FOXJ3: variants seen among roughly 807,000 people sequenced by gnomAD.
The protein encoded by FOXJ3 is forkhead box J3.
A neutral mutation model predicts 76.1 loss-of-function variants in FOXJ3; 22 were observed. The ratio of observed to expected loss-of-function variants is 0.29; its 90% CI spans 0.21 to 0.41. The LOEUF is 0.41. Among genes scored for constraint, FOXJ3 ranks in the 10% least tolerant of loss-of-function variants. The probability of loss-of-function intolerance (pLI) is 1.00; values close to 1 mark genes in which losing one functional copy is unlikely to be tolerated. For synonymous variants in FOXJ3, 269 were observed against 261.2 expected, an observed-to-expected ratio of 1.03 and a Z score of -0.29; for missense variants, 613 against 762.1, an observed-to-expected ratio of 0.80 and a Z score of 2.30.
chr1:42,318,444 C>T (rs1410044917), intron 1 of FOXJ3, among the ~76,000 whole-genome samples: 3 of 152,154 alleles, frequency 2.0e-5, no homozygotes, highest in Non-Finnish European at 2.9e-5. Flanking sequence ...CAGGTTCAAG[C>T]GATTCTCCTG....
rs1002171577 is a variant in FOXJ3 at position 42,205,927 on chromosome 1, G to A, written c.529-64C>T. On this transcript the variant is annotated intron_variant, in intron 5 of 12. Transcript: ENST00000361346. ...ATATCCAGCAACTTTAACACAGTTT[G>A]AAGGGATCTCATCAAATTCTTGAAC... is the stretch of plus-strand genomic sequence containing the variant. 5.6e-6 allele frequency: 5 copies of A among 885,674 alleles called. No homozygotes were observed. In the Admixed American group the frequency reaches 9.1e-5, roughly 16 times the overall value. The allele number at this position is 885,674 out of a possible 1,614,324, so 54.9% of individuals were successfully genotyped here. A position where few individuals can be genotyped will look rare whatever the true frequency, so the allele number is the denominator to read the frequency against.
chr1:42,298,763 T>A (rs914291363), intron 2 of FOXJ3, among the ~76,000 whole-genome samples: 3 of 152,226 alleles, frequency 2.0e-5, no homozygotes, highest in Admixed American at 6.5e-5. Flanking sequence ...TCCTATCTTT[T>A]TAATGTGGGC....
chr1:42,183,308 TGGGGGAGGGGAGGGGAGGGGAGGGG>T (rs1169208221), intron 11 of FOXJ3, among the ~76,000 whole-genome samples: 3 of 3,832 alleles, frequency 7.8e-4, no homozygotes, highest in African/African-American at 9.8e-4. Flanking sequence ...CGGGGCGGGG[TGGGGGAGGGGAGGGGAGGGGAGGGG>T]AGGGGAGGGG....
intron 2 of FOXJ3, among the ~76,000 whole-genome samples, chr1:42,308,671 A>C (rs1654614484): frequency 6.6e-6 from 1 of 152,226 alleles, no homozygotes; most frequent in Non-Finnish European, 1.5e-5. Context: ...TTCTCAGTTT[A>C]TAAATTAAAG....
intron 4 of FOXJ3, among the ~76,000 whole-genome samples, chr1:42,254,052 A>G (rs1193944344): frequency 6.6e-5 from 10 of 151,774 alleles, no homozygotes; most frequent in African/African-American, 2.2e-4. Flanking sequence ...GAAAATTTTC[A>G]CAACCTACTC....
intron 1 of FOXJ3, among the ~76,000 whole-genome samples, chr1:42,331,107 G>A (rs1328828733): frequency 2.6e-5 from 4 of 152,274 alleles, no homozygotes; most frequent in Middle Eastern, 3.4e-3. Context: ...TTGACCAGGC[G>A]CGGTGGCTTA....
intron 2 of FOXJ3, among the ~76,000 whole-genome samples, chr1:42,292,021 G>A (rs1234602838): frequency 6.6e-6 from 1 of 151,984 alleles, no homozygotes; most frequent in African/African-American, 2.4e-5. Flanking sequence ...TGGGAGCCAG[G>A]GGATGGGACC....
chr1:42,185,752 T>G (rs1278392990), intron 11 of FOXJ3, among the ~76,000 whole-genome samples: 1 of 152,048 alleles, frequency 6.6e-6, no homozygotes, highest in Non-Finnish European at 1.5e-5. Flanking sequence ...ATAAACAAAT[T>G]ATAACCACAG....
chr1:42,186,196 G>A (rs138385045), intron 11 of FOXJ3, among the ~76,000 whole-genome samples: 7 of 152,232 alleles, frequency 4.6e-5, no homozygotes, highest in Non-Finnish European at 8.8e-5. Context: ...AGGAATGACA[G>A]AAAGACACTG....
At chr1:42,217,626 C>T (rs1647097991) in intron 5 of FOXJ3, among the ~76,000 whole-genome samples, 1 of 152,194 alleles carries the variant, frequency 6.6e-6, no homozygotes, top group Non-Finnish European at 1.5e-5. Context: ...CCAAAAAACA[C>T]TCCTCAGAGA....
At position 42,285,393 on chromosome 1, in the gene FOXJ3, C is replaced by T. The variant is rs184696832; in HGVS notation, c.45-6721G>A. 7.9e-5 allele frequency among the ~76,000 whole-genome samples: 12 copies of T among 151,402 alleles called. No individual in the cohort carries two copies. The East Asian group carries it at 2.3e-3, about 29-fold the overall frequency. ...AGGCATCCCTGAGGTAAGTAGAGTA[C>T]AAATGGCAGTCTTCACATTAAAAAA... On this transcript the variant is annotated intron_variant, in intron 2 of 12. Coordinates refer to ENST00000361346, the MANE Select transcript of FOXJ3 (RefSeq NM_014947.5).
chr1:42,281,707 G>A (rs1456391536), intron 2 of FOXJ3, among the ~76,000 whole-genome samples: 1 of 152,196 alleles, frequency 6.6e-6, no homozygotes, highest in African/African-American at 2.4e-5. Context: ...TCTCCATCAA[G>A]CGTGGAGAGC....
chr1:42,275,404 G>A (rs1049815657), intron 3 of FOXJ3, among the ~76,000 whole-genome samples: 8 of 152,154 alleles, frequency 5.3e-5, no homozygotes, highest in African/African-American at 1.7e-4. Context: ...AATATAACAT[G>A]TGCAGGGACG....
intron 4 of FOXJ3, among the ~76,000 whole-genome samples, chr1:42,241,295 C>T (rs776484354): frequency 3.3e-5 from 5 of 152,154 alleles, no homozygotes; most frequent in African/African-American, 4.8e-5. Flanking sequence ...CTCTGCCACC[C>T]CTAGCAGCAT....
At chr1:42,217,801 GCA>G (rs2124401086) in intron 5 of FOXJ3, among the ~76,000 whole-genome samples, 1 of 152,196 alleles carries the variant, frequency 6.6e-6, no homozygotes, top group Non-Finnish European at 1.5e-5. Flanking sequence ...GTTGATAATT[GCA>G]CAGTTGTATA....
chr1:42,274,284 T>A (rs973542952), intron 3 of FOXJ3, among the ~76,000 whole-genome samples: 3 of 152,198 alleles, frequency 2.0e-5, no homozygotes, highest in African/African-American at 7.2e-5. Flanking sequence ...CATTCAAGTT[T>A]TATTCGGTAT....
intron 3 of FOXJ3, among the ~76,000 whole-genome samples, chr1:42,269,165 A>G (rs1391043737): frequency 6.6e-6 from 1 of 152,200 alleles, no homozygotes; most frequent in Non-Finnish European, 1.5e-5. Flanking sequence ...ACAATTTAGA[A>G]AGGGGATAAC....
intron 1 of FOXJ3, among the ~76,000 whole-genome samples, chr1:42,322,324 C>T (rs1163782347): frequency 6.6e-6 from 1 of 151,810 alleles, no homozygotes; most frequent in Non-Finnish European, 1.5e-5. Flanking sequence ...TAGATGATAC[C>T]TAAAAATATT....
rs372160250 is a variant in FOXJ3, at chr1:42,185,481, C to T, written c.1645+3256G>A. On this transcript the variant is annotated intron_variant, in intron 11 of 12. Coordinates refer to ENST00000361346, the MANE Select transcript of FOXJ3 (RefSeq NM_014947.5). ...TTCACCATGTTAACCAAGGTGGTCT[C>T]GATCTCCTGACCTCATGATCCGCCT... is the stretch of plus-strand genomic sequence containing the variant. Among the ~76,000 whole-genome samples the T allele has an allele frequency of 3.3e-3, 496 of 151,804 alleles. 7 individuals are homozygous for T. The highest frequency in any genetic ancestry group is 0.011 in the African/African-American group (470 of 41,294).
Sources: gnomAD v4.1 joint callset for allele counts (sites outside exome capture counted in the v4.1 genomes callset) on GRCh38, gnomAD v4.1.1 for gene constraint, MANE v1.5 for transcripts, NCBI Gene and HGNC (gene_info 2026-07-23, HGNC 2026-07-21) for gene names.